NSMAF: variants seen among roughly 807,000 people sequenced by gnomAD.
NSMAF encodes the protein protein FAN.
A neutral mutation model predicts 134.9 loss-of-function variants in NSMAF; 90 were observed. That is an observed-to-expected ratio of 0.67 (90% CI 0.56 to 0.79). The LOEUF is 0.79. Among genes scored for constraint, NSMAF ranks in the 30% least tolerant of loss-of-function variants. NSMAF has a pLI of 0.00. For missense variants in NSMAF, 1,010 were observed against 1,119.0 expected, an observed-to-expected ratio of 0.90 and a Z score of 1.39; for synonymous variants, 358 against 389.6, an observed-to-expected ratio of 0.92 and a Z score of 0.96.
Position 58,587,624 on chromosome 8 carries a change from A to G in NSMAF, c.2289T>C (p.Asp763=), listed in dbSNP as rs1157661155. ...HFDLLAELEH[D]VSVDTISLNA... ...GTTTGTTGCTGGTACTCACACTGACATCATGTTCCAGCTCGGCCAGCAAGT... is the reference window on the plus strand; with the variant it reads ...GTTTGTTGCTGGTACTCACACTGACGTCATGTTCCAGCTCGGCCAGCAAGT... The change falls in exon 27 of 31, where the codon GAT becomes GAC. Residue 763 remains aspartate (D), a synonymous_variant. Transcript: ENST00000038176. The G allele has an allele frequency of 3.7e-6, 6 of 1,614,056 alleles. No individual in the cohort carries two copies. The highest frequency in any genetic ancestry group is 2.2e-5 in the East Asian group (1 of 44,886).
Position 58,609,618 on chromosome 8 carries a change from G to A in NSMAF, c.673C>T (p.Leu225Phe), listed in dbSNP as rs1466210895. 3 of 1,614,042 alleles carry A rather than the reference G, an allele frequency of 1.9e-6. No individual in the cohort carries two copies. The highest frequency in any genetic ancestry group is 1.7e-6 in the Non-Finnish European group (2 of 1,180,010). The change falls in exon 10 of 31, where the codon CTC (leucine) becomes TTC (phenylalanine). Residue 225 changes from leucine to phenylalanine, a missense_variant. Physicochemically the swap from Leu to Phe is conservative, Grantham distance 22. Transcript: ENST00000038176. ...ITDTNLYFQP[L>F]NGYPKPVVQI... ...GGTCTACACACCGGGTAGCCGTTGA[G>A]GGGCTGAAAATACAGGTTTGTGTCC...
At position 58,635,209 on chromosome 8, in the gene NSMAF, T is replaced by C; in HGVS notation, c.313A>G (p.Ile105Val). ...CTTACCTGACTGAAAATGAGTGAAA[T>C]ACCCCCAGATTTTGCCCTAAAATAC... is the stretch of plus-strand genomic sequence containing the variant. ...RHFTKAKSGG[I>V]SLIFSQVYFI... The change falls in exon 5 of 31, where the codon ATT becomes GTT. Residue 105 changes from isoleucine (I) to valine (V), a missense_variant. Ile to Val is a conservative substitution (Grantham distance 29, BLOSUM62 3). Coordinates refer to ENST00000038176, the MANE Select transcript of NSMAF (RefSeq NM_003580.4). The C allele has an allele frequency of 1.2e-6, 2 of 1,611,196 alleles. No individual in the cohort carries two copies. The highest frequency in any genetic ancestry group is 8.5e-7 in the Non-Finnish European group (1 of 1,177,814).
chr8:58,621,624 T>C (rs1297811736), intron 9 of NSMAF, among the ~76,000 whole-genome samples: 1 of 152,178 alleles, frequency 6.6e-6, no homozygotes, highest in African/African-American at 2.4e-5. Flanking sequence ...GCATGTTATT[T>C]TTTGAGTAAT....
In NSMAF at chr8:58,621,181, T is replaced by C. The variant is rs577073255; in HGVS notation, c.557+2039A>G. Among the ~76,000 whole-genome samples, 4 of 152,326 alleles carry C rather than the reference T, an allele frequency of 2.6e-5. No homozygotes were observed. In the South Asian group the frequency reaches 8.3e-4, roughly 32 times the overall value. The stretch of plus-strand genomic sequence containing the variant: ...GTACTCAATGTTCAGTTCCTACTTA[T>C]AAGTGAGAACATGCAGTGTTAGTTT... On this transcript the variant is annotated intron_variant, in intron 9 of 30. Transcript: ENST00000038176.
intron 10 of NSMAF, 95 bp downstream of exon 10, chr8:58,609,509 C>G (rs1352967868): frequency 1.5e-6 from 2 of 1,302,438 alleles, no homozygotes; most frequent in Non-Finnish European, 2.2e-6. Context: ...TGACTTGATC[C>G]TCATCAAAAA....
At chr8:58,645,094 C>T (rs952370578) in intron 1 of NSMAF, among the ~76,000 whole-genome samples, 3 of 150,348 alleles carry the variant, frequency 2.0e-5, no homozygotes, top group Admixed American at 2.0e-4. Flanking sequence ...CACATGTACT[C>T]CAGAACTTAA....
chr8:58,599,471 A>G (rs1806223989), intron 18 of NSMAF, 108 bp from the exon 19 acceptor site: 2 of 1,216,710 alleles, frequency 1.6e-6, no homozygotes, highest in East Asian at 2.4e-5. Flanking sequence ...CAAGAGGTCC[A>G]TATTTCTTAA....
At chr8:58,659,073 T>C (rs1807790476) in intron 1 of NSMAF, 1 of 740,768 alleles carries the variant, frequency 1.3e-6, no homozygotes, top group Non-Finnish European at 2.0e-6. Flanking sequence ...GCAATGCGAG[T>C]GGGTGGTCGC....
intron 1 of NSMAF, among the ~76,000 whole-genome samples, chr8:58,646,740 TA>T (rs996089572): frequency 1.8e-4 from 27 of 148,866 alleles, no homozygotes; most frequent in East Asian, 7.8e-4. Flanking sequence ...AGTCCATGCT[TA>T]AAAAAAAAAA....
At chr8:58,601,126 T>C (rs1806268344) in intron 16 of NSMAF, 159 bp downstream of exon 16, 3 of 629,982 alleles carry the variant, frequency 4.8e-6, no homozygotes, top group Admixed American at 2.6e-5. Context: ...TACACACACA[T>C]ATACATGTCT....
Position 58,646,950 on chromosome 8 carries a change from C to T in NSMAF, c.60-3877G>A, listed in dbSNP as rs528792979. The stretch of plus-strand genomic sequence containing the variant: ...ATTCCTAAAAAGATGTTTTCCTATT[C>T]TTACATCACCTAAATTTTAAAGCCT... On this transcript the variant is annotated intron_variant, in intron 1 of 30. Transcript: ENST00000038176. Among the ~76,000 whole-genome samples, 7 of 152,302 alleles carry T rather than the reference C, an allele frequency of 4.6e-5. No homozygotes were observed. The South Asian group carries it at 1.2e-3, about 27-fold the overall frequency.
Position 58,659,768 on chromosome 8 carries a change from G to T in NSMAF, c.-137C>A, listed in dbSNP as rs1228365186. On this transcript the variant is annotated 5_prime_UTR_variant, in exon 1 of 31. Transcript: ENST00000038176. ...CGGCTGCCGGCCTGGCTTCCCCTGC[G>T]GCGCCGCTGGGCGGCCGAGAGCCCG... is the stretch of plus-strand genomic sequence containing the variant. 1.8e-5 allele frequency: 10 copies of T among 541,236 alleles called. No homozygotes were observed. The highest frequency in any genetic ancestry group is 4.8e-5 in the Admixed American group (1 of 20,870). The allele number at this position is 541,236 out of a possible 1,614,324, so 33.5% of individuals were successfully genotyped here. A position where few individuals can be genotyped will look rare whatever the true frequency, so the allele number is the denominator to read the frequency against.
chr8:58,597,108 G>A (rs1337805821), intron 21 of NSMAF, among the ~76,000 whole-genome samples: 1 of 152,134 alleles, frequency 6.6e-6, no homozygotes, highest in Non-Finnish European at 1.5e-5. Context: ...CAAAACCACA[G>A]AAGAGAAAGA....
intron 2 of NSMAF, among the ~76,000 whole-genome samples, chr8:58,641,078 C>G (rs1473251606): frequency 6.6e-6 from 1 of 151,784 alleles, no homozygotes; most frequent in Non-Finnish European, 1.5e-5. Context: ...TGCACCACCA[C>G]GCCTGGCTAA....
chr8:58,631,854 G>A (rs10091952), intron 5 of NSMAF, among the ~76,000 whole-genome samples: 37,846 of 151,882 alleles, frequency 0.25, 5,307 homozygotes, highest in Non-Finnish European at 0.31. Context: ...CAGGGAAGGA[G>A]GCTAATCCAA....
Position 58,623,359 on chromosome 8 carries a change from A to G in NSMAF, c.504+18T>C, listed in dbSNP as rs183106306. 4 of 1,612,948 alleles carry G rather than the reference A, an allele frequency of 2.5e-6. No homozygotes were observed. The East Asian group carries it at 8.9e-5, about 36-fold the overall frequency. On this transcript the variant is annotated intron_variant, in intron 8 of 30. Coordinates refer to ENST00000038176, the MANE Select transcript of NSMAF (RefSeq NM_003580.4). ...AGTTAATTGACAATCAAAGACAGAC[A>G]TTGTTAAGAATACTTACCATGGCGG...
At chr8:58,646,726 A>G (rs1807462944) in intron 1 of NSMAF, among the ~76,000 whole-genome samples, 1 of 152,158 alleles carries the variant, frequency 6.6e-6, no homozygotes, top group South Asian at 2.1e-4. Flanking sequence ...TTACGGAGTA[A>G]AAGAGTCCAT....
chr8:58,649,111 C>T (rs759241156), intron 1 of NSMAF, among the ~76,000 whole-genome samples: 1 of 152,230 alleles, frequency 6.6e-6, no homozygotes, highest in Admixed American at 6.5e-5. Context: ...AGAGGCAGAG[C>T]TGCCTAAGGC....
At chr8:58,648,572 G>T (rs1434722310) in intron 1 of NSMAF, among the ~76,000 whole-genome samples, 1 of 152,198 alleles carries the variant, frequency 6.6e-6, no homozygotes, top group Non-Finnish European at 1.5e-5. Context: ...CATCACAGAG[G>T]GCCTAGGAGA....
Sources: allele counts gnomAD v4.1 joint callset (sites outside exome capture counted in the v4.1 genomes callset), GRCh38; gene constraint gnomAD v4.1.1; transcripts MANE v1.5; gene names NCBI Gene and HGNC (gene_info 2026-07-23, HGNC 2026-07-21).